The following NOS1 variants were observed in gnomAD, a reference collection of about 807,000 sequenced individuals.
The protein encoded by NOS1 is NOS type I.
NOS1 carries 51 observed loss-of-function variants against 164.5 expected under a neutral mutation model. The observed-to-expected ratio is 0.31, with a 90% CI of 0.25 to 0.39. NOS1 has a LOEUF of 0.39. Among genes scored for constraint, NOS1 ranks in the 10% least tolerant of loss-of-function variants. NOS1 has a pLI of 1.00. For synonymous variants in NOS1, 719 were observed against 745.8 expected (o/e 0.96, Z 0.59); for missense variants, 1,362 against 1,885.6 (o/e 0.72, Z 5.14).
intron 3 of NOS1, among the ~76,000 whole-genome samples, chr12:117,311,183 C>A (rs1029517530): frequency 2.6e-5 from 4 of 152,244 alleles, no homozygotes; most frequent in African/African-American, 9.6e-5. Flanking sequence ...TCTTTTATAT[C>A]TTTTAAATTT....
chr12:117,231,629 G>A (rs1869241685), intron 22 of NOS1, among the ~76,000 whole-genome samples: 1 of 152,102 alleles, frequency 6.6e-6, no homozygotes, highest in South Asian at 2.1e-4. Flanking sequence ...CCAAGGCATG[G>A]TGAGATCCTG....
intron 22 of NOS1, among the ~76,000 whole-genome samples, chr12:117,228,882 C>T (rs553627652): frequency 3.9e-5 from 6 of 152,172 alleles, no homozygotes; most frequent in South Asian, 4.2e-4. Flanking sequence ...CCGGGGTTCA[C>T]GCCATTCTCC....
intron 7 of NOS1, among the ~76,000 whole-genome samples, chr12:117,284,530 G>A (rs1873945183): frequency 6.6e-6 from 1 of 152,170 alleles, no homozygotes; most frequent in East Asian, 1.9e-4. Flanking sequence ...AACCAAGGGA[G>A]ATTTGGTTTG....
chr12:117,359,921 T>C (rs1390605927), intron 1 of NOS1, among the ~76,000 whole-genome samples: 1 of 79,718 alleles, frequency 1.3e-5, no homozygotes, highest in Admixed American at 1.3e-4. Flanking sequence ...TATATATATA[T>C]ATATATATAT....
At chr12:117,311,683 C>T in intron 2 of NOS1, 91 bp from the exon 3 acceptor site, 1 of 1,376,366 alleles carries the variant, frequency 7.3e-7, no homozygotes, top group Non-Finnish European at 9.8e-7. Flanking sequence ...TGTACAGAAC[C>T]TCAGTAGCTC....
At chr12:117,321,438 G>A (rs951799153) in intron 2 of NOS1, among the ~76,000 whole-genome samples, 1 of 152,152 alleles carries the variant, frequency 6.6e-6, no homozygotes, top group African/African-American at 2.4e-5. Flanking sequence ...CATGAAAGGC[G>A]GTGAGAAGCC....
intron 1 of NOS1, among the ~76,000 whole-genome samples, chr12:117,352,486 G>A (rs1876669016): frequency 6.6e-6 from 1 of 152,154 alleles, no homozygotes; most frequent in Non-Finnish European, 1.5e-5. Flanking sequence ...GCTGACAGAG[G>A]GAACTGTCGC....
chr12:117,253,520 T>G, intron 17 of NOS1, 118 bp downstream of exon 17: 2 of 708,200 alleles, frequency 2.8e-6, no homozygotes, highest in Non-Finnish European at 2.5e-6. Flanking sequence ...GCAGCTGGTT[T>G]TATGAGAAAT....
intron 1 of NOS1, among the ~76,000 whole-genome samples, chr12:117,360,270 G>C (rs1266433104): frequency 6.6e-6 from 1 of 152,072 alleles, no homozygotes; most frequent in African/African-American, 2.4e-5. Flanking sequence ...TGGGGGTGGG[G>C]GCGAGCGTCT....
intron 3 of NOS1, among the ~76,000 whole-genome samples, chr12:117,300,953 G>A (rs1368063730): frequency 6.6e-6 from 1 of 152,216 alleles, no homozygotes; most frequent in Non-Finnish European, 1.5e-5. Flanking sequence ...AGGCAGCTCT[G>A]TGGGTAACAT....
In NOS1 at chr12:117,265,396, G is replaced by T; in HGVS notation, c.2056C>A (p.Pro686Thr). ...GGGGTGATGCTTCCGGACATGGGGG[G>T]CACGATCCACACCCAGTCGGCAGGG... Reference protein sequence around the residue: ...GCPADWVWIVPPMSGSITPVF... With the variant: ...GCPADWVWIVTPMSGSITPVF... The change falls in exon 12 of 29, where the codon CCC (proline) becomes ACC (threonine). Residue 686 changes from proline (P) to threonine (T), a missense_variant. Pro to Thr is a conservative substitution (Grantham distance 38). Coordinates refer to ENST00000317775, the MANE Select transcript of NOS1 (RefSeq NM_000620.5). The T allele has an allele frequency of 1.3e-6, 2 of 1,593,334 alleles. No homozygotes were observed. The highest frequency in any genetic ancestry group is 2.3e-5 in the East Asian group (1 of 44,000).
At chr12:117,289,552 G>A (rs1217970530) in intron 4 of NOS1, among the ~76,000 whole-genome samples, 3 of 152,226 alleles carry the variant, frequency 2.0e-5, no homozygotes, top group East Asian at 1.9e-4. Flanking sequence ...CGGGATACAC[G>A]TGCAGAACGT....
chr12:117,319,721 G>A (rs890512520), intron 2 of NOS1, among the ~76,000 whole-genome samples: 1 of 152,204 alleles, frequency 6.6e-6, no homozygotes, highest in Non-Finnish European at 1.5e-5. Context: ...TGGGAAAACT[G>A]TGTGTGGTCC....
In NOS1 at chr12:117,247,417, C is replaced by T. The variant is rs74595776; in HGVS notation, c.2754G>A (p.Lys918=). 12 of 1,613,148 alleles carry T rather than the reference C, an allele frequency of 7.4e-6. No individual in the cohort carries two copies. The highest frequency in any genetic ancestry group is 4.2e-6 in the Non-Finnish European group (5 of 1,179,688). ...CACAGAGCTCATCCCCTTCCCTCAT[C>T]TTCAGGATCCTCTCCCCTCCCAGTT... is the stretch of plus-strand genomic sequence containing the variant. ...LEELGGERIL[K]MREGDELCGQ... is the part of the protein sequence containing the mutation. The change falls in exon 18 of 29, where the codon AAG becomes AAA. Residue 918 remains lysine (K), a synonymous_variant. Transcript: ENST00000317775.
intron 2 of NOS1, among the ~76,000 whole-genome samples, chr12:117,317,814 G>T (rs776552875): frequency 6.6e-6 from 1 of 152,104 alleles, no homozygotes; most frequent in Non-Finnish European, 1.5e-5. Context: ...GGGCTATCAG[G>T]TGGTCACATT....
rs752357478 is a variant in NOS1, at chr12:117,286,169, C to T, written c.1225G>A (p.Gly409Arg). ...YQLKDTELIY[G>R]AKHAWRNASR... ...GCATTCCGCCAGGCGTGCTTGGCCC[C>T]ATAGATGAGCTCTGTGTCCTTGAGC... Residue 409 changes from glycine to arginine, a missense_variant, in exon 6 of 29, where the codon GGG becomes AGG. This residue lies in a region of NOS1 where 129 missense variants were observed against 186.0 expected (regional missense o/e 0.69). Coordinates refer to ENST00000317775, the MANE Select transcript of NOS1 (RefSeq NM_000620.5). 1 of 1,614,224 alleles carries T rather than the reference C, an allele frequency of 6.2e-7. No homozygotes were observed. Among genetic ancestry groups the T allele is most frequent in the Non-Finnish European group, 8.5e-7 (1 of 1,180,058 alleles).
intron 12 of NOS1, among the ~76,000 whole-genome samples, chr12:117,264,788 C>A (rs373569309): frequency 6.6e-6 from 1 of 151,118 alleles, no homozygotes; most frequent in Non-Finnish European, 1.5e-5. Context: ...GGCTTGATAT[C>A]GGCTCACTGC....
intron 1 of NOS1, among the ~76,000 whole-genome samples, chr12:117,354,595 G>T (rs1876778410): frequency 6.6e-6 from 1 of 152,278 alleles, no homozygotes; most frequent in South Asian, 2.1e-4. Flanking sequence ...ATCCCCGGAG[G>T]TTACTTTTTT....
rs1872896815 is a variant in NOS1, at chr12:117,272,883, G to A, written c.1665-324C>T. Reference sequence around the variant, plus strand: ...GGACCTCTCTCCCCCTTCCCCGACTGAGCACCCTCCTACCCTCAGGGCCTT... The same window carrying A: ...GGACCTCTCTCCCCCTTCCCCGACTAAGCACCCTCCTACCCTCAGGGCCTT... On this transcript the variant is annotated intron_variant, in intron 9 of 28. Transcript: ENST00000317775. This position sits in a 1 kb window ranked among gnomAD's most constrained non-coding sequence, Gnocchi z 4.3. Among the ~76,000 whole-genome samples, 1 of 152,280 alleles carries A rather than the reference G, an allele frequency of 6.6e-6. No homozygotes were observed. Among genetic ancestry groups the A allele is most frequent in the Middle Eastern group, 3.4e-3 (1 of 294 alleles).
Sources: gnomAD v4.1 joint callset for allele counts (sites outside exome capture counted in the v4.1 genomes callset) on GRCh38, gnomAD v4.1.1 for gene constraint, gnomAD v4.1.1 regional missense constraint, Gnocchi (gnomAD v3.1) non-coding constraint, MANE v1.5 for transcripts, NCBI Gene and HGNC (gene_info 2026-07-23, HGNC 2026-07-21) for gene names.